The following SHB variants were observed in gnomAD, a reference collection of about 807,000 sequenced individuals.
The protein encoded by SHB is SH2 domain-containing adapter protein B.
Under a neutral mutation model 52.3 loss-of-function variants are expected in SHB, and 20 were observed. That is an observed-to-expected ratio of 0.38 (90% confidence interval 0.27 to 0.56). SHB has a LOEUF of 0.56. SHB is among the 20% of genes least tolerant of loss of function. The pLI is 0.71. For synonymous variants in SHB, 397 were observed against 316.5 expected (o/e 1.25, Z -2.70); for missense variants, 825 against 723.3 (o/e 1.14, Z -1.61).
In SHB at chr9:37,917,990, C is replaced by T. The variant is rs937377438; in HGVS notation, c.*1831G>A. Among the ~76,000 whole-genome samples, 5 of 152,232 alleles carry T rather than the reference C, an allele frequency of 3.3e-5. No individual in the cohort carries two copies. Among genetic ancestry groups the T allele is most frequent in the African/African-American group, 4.8e-5 (2 of 41,470 alleles). ...GGCAGGGCTCAGTCCCAGCTCGACA[C>T]GTGGCCTTGGCGAGTCCTCCTTCTC... On this transcript the variant is annotated 3_prime_UTR_variant, in exon 6 of 6. Coordinates refer to ENST00000377707, the MANE Select transcript of SHB (RefSeq NM_003028.3).
chr9:37,970,038 G>A (rs1820573266), intron 3 of SHB, among the ~76,000 whole-genome samples: 1 of 152,244 alleles, frequency 6.6e-6, no homozygotes, highest in Non-Finnish European at 1.5e-5. Context: ...TGCCGGGTGG[G>A]AAGGGGGCTG....
intron 3 of SHB, among the ~76,000 whole-genome samples, chr9:37,962,775 A>C (rs982306332): frequency 1.3e-5 from 2 of 151,844 alleles, no homozygotes; most frequent in African/African-American, 4.8e-5. Flanking sequence ...GTCTCCCCCA[A>C]ACGCTGGGAT....
intron 5 of SHB, among the ~76,000 whole-genome samples, chr9:37,941,605 C>T (rs763015671): frequency 2.0e-5 from 3 of 152,212 alleles, no homozygotes; most frequent in Non-Finnish European, 2.9e-5. Context: ...TGTACCTGAG[C>T]TGCACACACC....
chr9:37,928,373 C>A lies in SHB; in HGVS notation c.1347-8369G>T, dbSNP rs113286848. The stretch of plus-strand genomic sequence containing the variant: ...GGACAGAATCCAGGCCAAGGGTGAT[C>A]TCTTCCTACTGAGGACAAGGCTATC... On this transcript the variant is annotated intron_variant, in intron 5 of 5. Coordinates refer to ENST00000377707, the MANE Select transcript of SHB (RefSeq NM_003028.3). Among the ~76,000 whole-genome samples the A allele has an allele frequency of 7.9e-3, 1,199 of 152,330 alleles. 8 individuals are homozygous for A. The highest frequency in any genetic ancestry group is 0.028 in the African/African-American group (1,155 of 41,568).
At chr9:37,927,178 G>A (rs1299948524) in intron 5 of SHB, among the ~76,000 whole-genome samples, 2 of 152,216 alleles carry the variant, frequency 1.3e-5, no homozygotes, top group African/African-American at 4.8e-5. Flanking sequence ...AGCTGTCTGA[G>A]GCGTGGGGCA....
At chr9:37,966,107 G>T (rs1032367263) in intron 3 of SHB, among the ~76,000 whole-genome samples, 1 of 152,168 alleles carries the variant, frequency 6.6e-6, no homozygotes, top group South Asian at 2.1e-4. Flanking sequence ...CCAAAGTGCT[G>T]GGATTACAGG....
chr9:37,952,910 C>T (rs978617596), intron 4 of SHB, among the ~76,000 whole-genome samples: 22 of 152,096 alleles, frequency 1.4e-4, no homozygotes, highest in African/African-American at 4.3e-4. Flanking sequence ...AGCAACTGGA[C>T]GTAGGAGTCA....
At chr9:37,982,564 G>A (rs184938812) in intron 2 of SHB, among the ~76,000 whole-genome samples, 18 of 152,094 alleles carry the variant, frequency 1.2e-4, no homozygotes, top group Admixed American at 4.6e-4. Context: ...AGGCCGAGGC[G>A]GGCGGATCAT....
Position 38,001,318 on chromosome 9 carries a change from C to T in SHB, c.838+14693G>A, listed in dbSNP as rs117986024. Among the ~76,000 whole-genome samples, 746 of 152,342 alleles carry T rather than the reference C, an allele frequency of 4.9e-3. 16 individuals carry two copies. Among genetic ancestry groups the T allele is most frequent in the Admixed American group, 0.04 (608 of 15,306 alleles). On this transcript the variant is annotated intron_variant, in intron 2 of 5. Transcript: ENST00000377707. ...TCAGTACTTACAAAGGGAGACGGAA[C>T]CACCCTTGTCAGGAGAGGAGATAAT...
intron 1 of SHB, among the ~76,000 whole-genome samples, chr9:38,024,335 C>T (rs1821315381): frequency 6.6e-6 from 1 of 152,384 alleles, no homozygotes; most frequent in South Asian, 2.1e-4. Context: ...CCTTTACAGA[C>T]CTGACAGTGA....
chr9:38,017,759 T>C (rs1023994458), intron 1 of SHB, among the ~76,000 whole-genome samples: 2 of 152,182 alleles, frequency 1.3e-5, no homozygotes, highest in African/African-American at 2.4e-5. Flanking sequence ...ATGCTGACAT[T>C]GTAATGGCAG....
chr9:37,985,393 A>T (rs1269174888), intron 2 of SHB, among the ~76,000 whole-genome samples: 1 of 152,246 alleles, frequency 6.6e-6, no homozygotes, highest in African/African-American at 2.4e-5. Context: ...GTGAGTAAAA[A>T]GGCCACGTGG....
In SHB at chr9:37,948,616, T is replaced by A. The variant is rs756036769; in HGVS notation, c.1346+19A>T. On this transcript the variant is annotated intron_variant, in intron 5 of 5. Transcript: ENST00000377707. Reference sequence around the variant, plus strand: ...AGAGGCTGCCGAGGAGGGCTGGGGGTGCTCGGGGCGGCACTCACCTCAGGG... The same window carrying A: ...AGAGGCTGCCGAGGAGGGCTGGGGGAGCTCGGGGCGGCACTCACCTCAGGG... 3 of 1,610,974 alleles carry A rather than the reference T, an allele frequency of 1.9e-6. No individual in the cohort carries two copies. The highest frequency in any genetic ancestry group is 3.3e-5 in the Admixed American group (2 of 59,936).
Position 37,916,754 on chromosome 9 carries a change from G to C in SHB, c.*3067C>G, listed in dbSNP as rs961474381. On this transcript the variant is annotated 3_prime_UTR_variant, in exon 6 of 6. Transcript: ENST00000377707. ...CAGGACGGGACTGGCAGGCGGTGGG[G>C]CCCTCTTCCCCTACAAAGCCTCCTT... Among the ~76,000 whole-genome samples the C allele has an allele frequency of 6.6e-6, 1 of 152,148 alleles. No homozygotes were observed. Among genetic ancestry groups the C allele is most frequent in the East Asian group, 1.9e-4 (1 of 5,174 alleles).
chr9:37,927,946 C>G (rs1832269511), intron 5 of SHB, among the ~76,000 whole-genome samples: 2 of 146,176 alleles, frequency 1.4e-5, no homozygotes, highest in Admixed American at 1.4e-4. Context: ...CTTTCTCTTT[C>G]TCTCTTTTTT....
At chr9:38,038,786 G>A (rs1008253455) in intron 1 of SHB, among the ~76,000 whole-genome samples, 1 of 152,152 alleles carries the variant, frequency 6.6e-6, no homozygotes, top group Admixed American at 6.5e-5. Flanking sequence ...AGGCCCCGGG[G>A]GTGGGGCAGG....
chr9:38,068,047 A>AG lies in SHB; in HGVS notation c.598dup (p.Leu200ProfsTer46). The stretch of plus-strand genomic sequence containing the variant: ...GCGGCCGCCCGCGCAGGCGCCCCCC[A>AG]GGGGGTCCCCGGCCCCACCGCCCGC... On this transcript the variant is annotated frameshift_variant, in exon 1 of 6. Transcript: ENST00000377707. LOFTEE classifies it high-confidence loss of function. 1 of 1,502,712 alleles carries AG rather than the reference A, an allele frequency of 6.7e-7. No homozygotes were observed. The allele number at this position is 1,502,712 out of a possible 1,614,324, so 93.1% of individuals were successfully genotyped here. A position where few individuals can be genotyped will look rare whatever the true frequency, so the allele number is the denominator to read the frequency against.
At chr9:38,027,191 A>AGGGGCAGGGC (rs1821352443) in intron 1 of SHB, among the ~76,000 whole-genome samples, 1 of 152,158 alleles carries the variant, frequency 6.6e-6, no homozygotes, top group Non-Finnish European at 1.5e-5. Context: ...GGCTGAAACC[A>AGGGGCAGGGC]GGGGCAGGGC....
chr9:37,919,523 G>T lies in SHB; in HGVS notation c.*298C>A. 5.4e-6 allele frequency: 1 copy of T among 185,736 alleles called. No individual in the cohort carries two copies. The highest frequency in any genetic ancestry group is 1.1e-5 in the Non-Finnish European group (1 of 89,690). The allele number at this position is 185,736 out of a possible 1,614,324, so 11.5% of individuals were successfully genotyped here. On this transcript the variant is annotated 3_prime_UTR_variant, in exon 6 of 6. Coordinates refer to ENST00000377707, the MANE Select transcript of SHB (RefSeq NM_003028.3). ...CTACCCCGCCCCTCGGAGCTGGTCT[G>T]CCTTTGTTCATCCTGGAAGGCATCT...
Sources: allele counts gnomAD v4.1 joint callset (sites outside exome capture counted in the v4.1 genomes callset), GRCh38; gene constraint gnomAD v4.1.1; transcripts MANE v1.5; gene names NCBI Gene and HGNC (gene_info 2026-07-23, HGNC 2026-07-21).